Variants in RBP3 observed in about 807,000 individuals in gnomAD.
RBP3 encodes the protein retinol-binding protein 3.
RBP3 carries 50 observed loss-of-function variants against 64.8 expected under a neutral mutation model. That is an observed-to-expected ratio of 0.77 (90% CI 0.61 to 0.98). The LOEUF is 0.98. Ranked by LOEUF, RBP3 falls within the 50% of genes least tolerant of loss-of-function variation. The pLI is 0.00. For missense variants in RBP3, 1,712 were observed against 1,660.5 expected (o/e 1.03, Z -0.54); for synonymous variants, 828 against 730.2 (o/e 1.13, Z -2.16).
At position 47,351,074 on chromosome 10, in the gene RBP3, C is replaced by G. The variant is rs781806123; in HGVS notation, c.2590C>G (p.Arg864Gly). The part of the protein sequence containing the change: ...AFAHTMQDLQ[R>G]ATVIGEPTAG... The stretch of plus-strand genomic sequence containing the variant: ...TGCACACACCATGCAGGACCTGCAG[C>G]GGGCCACGGTCATTGGGGAGCCCAC... Residue 864 changes from arginine (R) to glycine (G), a missense_variant, in exon 1 of 4, where the codon CGG becomes GGG. Transcript: ENST00000584701. 1 of 1,611,766 alleles carries G rather than the reference C, an allele frequency of 6.2e-7. No individual in the cohort carries two copies. The highest frequency in any genetic ancestry group is 1.1e-5 in the South Asian group (1 of 91,022).
chr10:47,349,473 T>C lies in RBP3; in HGVS notation c.989T>C (p.Val330Ala). The change falls in exon 1 of 4, where the codon GTC (valine) becomes GCC (alanine). Residue 330 changes from valine to alanine, a missense_variant. By Grantham distance (64) the Val-to-Ala change is moderately conservative. Transcript: ENST00000584701. ...LTLRSALPGV[V>A]HCLQEVLKDY... ...CTGCGCAGCGCCCTTCCAGGGGTAG[T>C]CCACTGCCTCCAGGAGGTCCTGAAG... 5.0e-6 allele frequency: 8 copies of C among 1,612,796 alleles called. No homozygotes were observed. The highest frequency in any genetic ancestry group is 1.1e-5 in the South Asian group (1 of 91,078).
Position 47,357,567 on chromosome 10 carries a change from C to T in RBP3, c.*110C>T, listed in dbSNP as rs1293056123. On this transcript the variant is annotated 3_prime_UTR_variant, in exon 4 of 4. Transcript: ENST00000584701. ...AGGTTCCCAGGAGCAGCAAAGGGGC[C>T]TGCTGAGCTCTGGTTAGGTTACAGC... 1.2e-6 allele frequency: 1 copy of T among 854,226 alleles called. No homozygotes were observed. Among genetic ancestry groups the T allele is most frequent in the Admixed American group, 2.3e-5 (1 of 42,836 alleles). 52.9% of individuals were successfully genotyped at this position (854,226 alleles called of 1,614,324 possible).
Position 47,349,658 on chromosome 10 carries a change from C to G in RBP3, c.1174C>G (p.Pro392Ala). The G allele has an allele frequency of 6.2e-7, 1 of 1,612,140 alleles. No individual in the cohort carries two copies. The highest frequency in any genetic ancestry group is 8.5e-7 in the Non-Finnish European group (1 of 1,180,014). Residue 392 changes from proline to alanine, a missense_variant, in exon 1 of 4, where the codon CCC (proline) becomes GCC (alanine). By Grantham distance (27) the Pro-to-Ala change is conservative (BLOSUM62 -1). Coordinates refer to ENST00000584701, the MANE Select transcript of RBP3 (RefSeq NM_002900.3). Reference sequence around the variant, plus strand: ...CAGGCTCCTGGTGCGAGCCATCGGGCCCACAGAAACTCCTTCTTGGCCCGC... The same window carrying G: ...CAGGCTCCTGGTGCGAGCCATCGGGGCCACAGAAACTCCTTCTTGGCCCGC... The part of the protein sequence containing the change: ...DPRLLVRAIG[P>A]TETPSWPAPD...
chr10:47,357,631 C>T lies in RBP3; in HGVS notation c.*174C>T. ...ATATACACACACACACATGTATATA[C>T]ACATATATATGTGTATGTATATATA... On this transcript the variant is annotated 3_prime_UTR_variant, in exon 4 of 4. Transcript: ENST00000584701. The T allele has an allele frequency of 1.7e-6, 1 of 594,690 alleles. No individual in the cohort carries two copies. The highest frequency in any genetic ancestry group is 3.0e-6 in the Non-Finnish European group (1 of 332,494). 36.8% of individuals were successfully genotyped at this position (594,690 alleles called of 1,614,324 possible). A position where few individuals can be genotyped will look rare whatever the true frequency, so the allele number is the denominator to read the frequency against.
rs1555211069 is a variant in RBP3 at position 47,349,365 on chromosome 10, A to G, written c.881A>G (p.Gln294Arg). 1.2e-6 allele frequency: 2 copies of G among 1,612,154 alleles called. No individual in the cohort carries two copies. Among genetic ancestry groups the G allele is most frequent in the African/African-American group, 1.3e-5 (1 of 74,916 alleles). Residue 294 changes from glutamine (Q) to arginine (R), a missense_variant, in exon 1 of 4, where the codon CAG (glutamine) becomes CGG (arginine). By Grantham distance (43) the Gln-to-Arg change is conservative (BLOSUM62 1). Coordinates refer to ENST00000584701, the MANE Select transcript of RBP3 (RefSeq NM_002900.3). Reference protein sequence around the residue: ...RSLGPLGGGSQTWEGSGVLPC... With the variant: ...RSLGPLGGGSRTWEGSGVLPC... ...CTGGGGCCCCTTGGTGGAGGCAGCC[A>G]GACGTGGGAGGGCAGCGGGGTGCTG...
intron 3 of RBP3, among the ~76,000 whole-genome samples, 185 bp from the exon 4 acceptor site, chr10:47,356,913 ATTCT>A (rs1555212020): frequency 3.9e-5 from 6 of 152,212 alleles, no homozygotes; most frequent in Non-Finnish European, 7.3e-5. Flanking sequence ...TTGGGCATGC[ATTCT>A]TGTCCCCATT....
chr10:47,355,322 C>A (rs1165098668), intron 2 of RBP3, 54 bp from the exon 3 acceptor site: 8 of 1,610,696 alleles, frequency 5.0e-6, no homozygotes, highest in Non-Finnish European at 6.8e-6. Context: ...GAGGGGCACA[C>A]AGGGCCTCAC....
rs1555211423 is a variant in RBP3 at position 47,350,702 on chromosome 10, C to A, written c.2218C>A (p.Pro740Thr). ...GGCCCTGTTCAAGACAGAGGTGCTG[C>A]CCGGCCAGCTGGGCTACCTGCGTTT... ...IEALFKTEVL[P>T]GQLGYLRFDA... Residue 740 changes from proline (P) to threonine (T), a missense_variant, in exon 1 of 4, where the codon CCC becomes ACC. Transcript: ENST00000584701. 4.2e-5 allele frequency: 68 copies of A among 1,613,186 alleles called. No individual in the cohort carries two copies. Among genetic ancestry groups the A allele is most frequent in the Non-Finnish European group, 5.8e-5 (68 of 1,180,040 alleles).
At chr10:47,355,315 G>C (rs1385458201) in intron 2 of RBP3, 61 bp from the exon 3 acceptor site, 1 of 1,608,616 alleles carries the variant, frequency 6.2e-7, no homozygotes, top group Admixed American at 1.7e-5. Context: ...CCTCCCCGAG[G>C]GGCACACAGG....
In RBP3 at chr10:47,357,271, C is replaced by T. The variant is rs1555212064; in HGVS notation, c.3558C>T (p.Thr1186=). Residue 1186 remains threonine, a synonymous_variant, in exon 4 of 4, where the codon ACC becomes ACT. Coordinates refer to ENST00000584701, the MANE Select transcript of RBP3 (RefSeq NM_002900.3). ...CACAGACCTACCACGTGGATGACAC[C>T]AACCTCTACCTCACTATCCCCACGG... ...QPPQTYHVDD[T]NLYLTIPTAR... 6.2e-7 allele frequency: 1 copy of T among 1,614,140 alleles called. No individual in the cohort carries two copies. The highest frequency in any genetic ancestry group is 1.1e-5 in the South Asian group (1 of 91,074).
At position 47,350,061 on chromosome 10, in the gene RBP3, T is replaced by C; in HGVS notation, c.1577T>C (p.Leu526Pro). ...ITQEHFSHMELPGPRYSTQRG... is the reference protein window; with the variant it reads ...ITQEHFSHMEPPGPRYSTQRG... Reference sequence around the variant, plus strand: ...CAGGAGCACTTCAGCCACATGGAGCTCCCGGGCCCACGCTACAGCACCCAA... The same window carrying C: ...CAGGAGCACTTCAGCCACATGGAGCCCCCGGGCCCACGCTACAGCACCCAA... The change falls in exon 1 of 4, where the codon CTC becomes CCC. Residue 526 changes from leucine to proline, a missense_variant. Coordinates refer to ENST00000584701, the MANE Select transcript of RBP3 (RefSeq NM_002900.3). 1 of 1,612,944 alleles carries C rather than the reference T, an allele frequency of 6.2e-7. No individual in the cohort carries two copies. Among genetic ancestry groups the C allele is most frequent in the Non-Finnish European group, 8.5e-7 (1 of 1,179,964 alleles).
chr10:47,351,057 C>A lies in RBP3; in HGVS notation c.2573C>A (p.Thr858Asn), dbSNP rs1836963870. The A allele has an allele frequency of 6.2e-7, 1 of 1,611,496 alleles. No individual in the cohort carries two copies. The highest frequency in any genetic ancestry group is 8.5e-7 in the Non-Finnish European group (1 of 1,179,878). ...SGSAAEAFAH[T>N]MQDLQRATVI... ...TCTGCGGCCGAGGCCTTTGCACACA[C>A]CATGCAGGACCTGCAGCGGGCCACG... The change falls in exon 1 of 4, where the codon ACC (threonine) becomes AAC (asparagine). Residue 858 changes from threonine to asparagine, a missense_variant. By Grantham distance (65) the Thr-to-Asn change is moderately conservative. Transcript: ENST00000584701.
Position 47,349,330 on chromosome 10 carries a change from G to A in RBP3, c.846G>A (p.Val282=), listed in dbSNP as rs1555211054. The A allele has an allele frequency of 1.9e-6, 3 of 1,612,688 alleles. No homozygotes were observed. The highest frequency in any genetic ancestry group is 3.3e-5 in the Admixed American group (2 of 60,020). ...GESDFFFTVP[V]SRSLGPLGGG... ...CTGACTTCTTCTTCACGGTGCCCGTGTCCAGGTCCCTGGGGCCCCTTGGTG... is the reference window on the plus strand; with the variant it reads ...CTGACTTCTTCTTCACGGTGCCCGTATCCAGGTCCCTGGGGCCCCTTGGTG... Residue 282 remains valine, a synonymous_variant, in exon 1 of 4, where the codon GTG becomes GTA. Coordinates refer to ENST00000584701, the MANE Select transcript of RBP3 (RefSeq NM_002900.3).
Position 47,348,403 on chromosome 10 carries a change from G to A in RBP3, c.-82G>A. ...CAGCTGAGAAGGACAAGGGCGGAAG[G>A]CAGCTGCACAGAGCAGGGCCACGGC... On this transcript the variant is annotated 5_prime_UTR_variant, in exon 1 of 4. Coordinates refer to ENST00000584701, the MANE Select transcript of RBP3 (RefSeq NM_002900.3). The A allele has an allele frequency of 6.7e-7, 1 of 1,492,360 alleles. No homozygotes were observed. The highest frequency in any genetic ancestry group is 1.9e-5 in the Admixed American group (1 of 53,506). 92.4% of individuals were successfully genotyped at this position (1,492,360 alleles called of 1,614,324 possible).
In RBP3 at chr10:47,350,963, C is replaced by A. The variant is rs781994065; in HGVS notation, c.2479C>A (p.Pro827Thr). The part of the protein sequence containing the change: ...TSKVTEVWTL[P>T]QVAGQRYGSH... ...AAAAGTCACGGAGGTGTGGACCTTG[C>A]CCCAGGTCGCCGGCCAGCGCTACGG... is the stretch of plus-strand genomic sequence containing the variant. Residue 827 changes from proline (P) to threonine (T), a missense_variant, in exon 1 of 4, where the codon CCC becomes ACC. Pro to Thr is a conservative substitution (Grantham distance 38, BLOSUM62 -1). Coordinates refer to ENST00000584701, the MANE Select transcript of RBP3 (RefSeq NM_002900.3). 5.0e-6 allele frequency: 8 copies of A among 1,612,548 alleles called. No homozygotes were observed. The highest frequency in any genetic ancestry group is 6.8e-6 in the Non-Finnish European group (8 of 1,179,990).
Position 47,349,271 on chromosome 10 carries a change from G to T in RBP3, c.787G>T (p.Ala263Ser), listed in dbSNP as rs77257977. The T allele has an allele frequency of 4.5e-5, 72 of 1,613,024 alleles. 1 individual carries two copies. The East Asian group carries it at 1.6e-3, about 36-fold the overall frequency. Residue 263 changes from alanine to serine, a missense_variant, in exon 1 of 4, where the codon GCC (alanine) becomes TCC (serine). Physicochemically the swap from Ala to Ser is moderately conservative, Grantham distance 99 (BLOSUM62 1). Transcript: ENST00000584701. Reference sequence around the variant, plus strand: ...GGTGGGCGAGCGGACTGGGGGAGGGGCCCTGGACCTCCGGAAGCTGAGGAT... The same window carrying T: ...GGTGGGCGAGCGGACTGGGGGAGGGTCCCTGGACCTCCGGAAGCTGAGGAT... ...IVVGERTGGG[A>S]LDLRKLRIGE...
At chr10:47,355,657 G>T in intron 3 of RBP3, 139 bp downstream of exon 3, 1 of 1,089,740 alleles carries the variant, frequency 9.2e-7, no homozygotes, top group East Asian at 2.5e-5. Flanking sequence ...AGATGTGCAT[G>T]ATCTCGAATC....
At position 47,348,829 on chromosome 10, in the gene RBP3, C is replaced by T. The variant is rs375540607; in HGVS notation, c.345C>T (p.Ala115=). The change falls in exon 1 of 4, where the codon GCC becomes GCT. Residue 115 remains alanine (A), a synonymous_variant. Transcript: ENST00000584701. The part of the protein sequence containing the change: ...LTSLSEEELL[A]WLQRGLRHEV... ...GCCTCTCAGAAGAGGAACTGCTTGC[C>T]TGGCTGCAAAGGGGCCTCCGCCATG... The T allele has an allele frequency of 6.2e-7, 1 of 1,613,910 alleles. No homozygotes were observed. Among genetic ancestry groups the T allele is most frequent in the East Asian group, 2.2e-5 (1 of 44,882 alleles).
chr10:47,351,954 A>T (rs540756464), intron 1 of RBP3, among the ~76,000 whole-genome samples: 1 of 152,284 alleles, frequency 6.6e-6, no homozygotes, highest in East Asian at 1.9e-4. Context: ...GGAAGAGGCC[A>T]ACACCTGTCA....
Sources: gnomAD v4.1 joint callset for allele counts (sites outside exome capture counted in the v4.1 genomes callset) on GRCh38, gnomAD v4.1.1 for gene constraint, MANE v1.5 for transcripts, NCBI Gene and HGNC (gene_info 2026-07-23, HGNC 2026-07-21) for gene names.